SLC38A1: variants seen among roughly 807,000 people sequenced by gnomAD.
The protein encoded by SLC38A1 is solute carrier family 38 member 1.
SLC38A1 carries 18 observed loss-of-function variants against 60.3 expected under a neutral mutation model. The observed-to-expected ratio is 0.30, with a 90% CI of 0.21 to 0.44. SLC38A1 has a LOEUF of 0.44. Among genes scored for constraint, SLC38A1 ranks in the 20% least tolerant of loss-of-function variants. The probability of loss-of-function intolerance (pLI) is 1.00; values close to 1 mark genes in which losing one functional copy is unlikely to be tolerated. For synonymous variants in SLC38A1, 196 were observed against 212.1 expected, an observed-to-expected ratio of 0.92 and a Z score of 0.66; for missense variants, 448 against 587.2, an observed-to-expected ratio of 0.76 and a Z score of 2.45.
At position 46,209,185 on chromosome 12, in the gene SLC38A1, T is replaced by C. The variant is rs1161952581; in HGVS notation, c.315-58A>G. 17 of 1,258,930 alleles carry C rather than the reference T, an allele frequency of 1.4e-5. No homozygotes were observed. The South Asian group carries it at 2.0e-4, about 15-fold the overall frequency. The allele number at this position is 1,258,930 out of a possible 1,614,324, so 78.0% of individuals were successfully genotyped here. ...TCTAGAAAAGAATATATTCTGGCAT[T>C]ACAGTTTAGAAGGGCAAAGGTTTAT... On this transcript the variant is annotated intron_variant, in intron 5 of 16. Coordinates refer to ENST00000398637, the MANE Select transcript of SLC38A1 (RefSeq NM_030674.4).
rs1245510892 is a variant in SLC38A1 at position 46,187,225 on chromosome 12, TGA to T, written c.*1743_*1744del. On this transcript the variant is annotated 3_prime_UTR_variant, in exon 17 of 17. Transcript: ENST00000398637. Reference sequence around the variant, plus strand: ...TATGGGACAGTAGTGTGATTCTCAGTGAGAGTGAAGGCCTTTGGGGATTTGAG... The same window carrying T: ...TATGGGACAGTAGTGTGATTCTCAGTGAGTGAAGGCCTTTGGGGATTTGAG... 1 of 152,172 alleles carries T rather than the reference TGA, an allele frequency of 6.6e-6. No individual in the cohort carries two copies. The allele number at this position is 152,172 out of a possible 1,614,324, so 9.4% of individuals were successfully genotyped here.
At chr12:46,232,006 G>A (rs780864281) in intron 3 of SLC38A1, among the ~76,000 whole-genome samples, 10 of 152,074 alleles carry the variant, frequency 6.6e-5, no homozygotes, top group South Asian at 4.1e-4. Context: ...ATTCATTGAC[G>A]TTTTTCATCT....
intron 3 of SLC38A1, among the ~76,000 whole-genome samples, chr12:46,235,283 CT>C (rs1941220579): frequency 6.6e-6 from 1 of 152,146 alleles, no homozygotes; most frequent in African/African-American, 2.4e-5. Flanking sequence ...TAATCAGGTT[CT>C]TACTAGATTA....
At chr12:46,263,886 C>T (rs1337955052) in intron 1 of SLC38A1, among the ~76,000 whole-genome samples, 1 of 152,230 alleles carries the variant, frequency 6.6e-6, no homozygotes, top group African/African-American at 2.4e-5. Flanking sequence ...CTCATAATTT[C>T]ACACTACTAA....
intron 5 of SLC38A1, among the ~76,000 whole-genome samples, chr12:46,217,778 T>C (rs1940479946): frequency 6.6e-6 from 1 of 152,218 alleles, no homozygotes; most frequent in African/African-American, 2.4e-5. Context: ...TCATGTATAA[T>C]GCTTACAAAT....
intron 1 of SLC38A1, among the ~76,000 whole-genome samples, chr12:46,252,622 A>C (rs1229456151): frequency 6.6e-6 from 1 of 152,008 alleles, no homozygotes; most frequent in Non-Finnish European, 1.5e-5. Context: ...ACAATTTTTC[A>C]AATGGAATAA....
rs558115708 is a variant in SLC38A1 at position 46,214,324 on chromosome 12, C to T, written c.315-5197G>A. Among the ~76,000 whole-genome samples, 28 of 152,304 alleles carry T rather than the reference C, an allele frequency of 1.8e-4. No homozygotes were observed. The South Asian group carries it at 5.4e-3, about 29-fold the overall frequency. ...CACAGTGGTCCTAGATATATTTACT[C>T]TTTTTGCTGCAAGAAAATTTTGACT... On this transcript the variant is annotated intron_variant, in intron 5 of 16. Transcript: ENST00000398637.
chr12:46,215,485 C>T (rs890348451), intron 5 of SLC38A1, among the ~76,000 whole-genome samples: 1 of 152,012 alleles, frequency 6.6e-6, no homozygotes, highest in Non-Finnish European at 1.5e-5. Flanking sequence ...AATCTTGGCT[C>T]ACTGCAACCT....
intron 13 of SLC38A1, among the ~76,000 whole-genome samples, chr12:46,200,697 C>T (rs1264639517): frequency 1.3e-5 from 2 of 152,158 alleles, no homozygotes; most frequent in Non-Finnish European, 2.9e-5. Context: ...CTCAGAGTGT[C>T]ATGAGTGTAG....
chr12:46,198,796 G>T (rs1345313656), intron 13 of SLC38A1, 53 bp from the exon 14 acceptor site: 1 of 1,054,954 alleles, frequency 9.5e-7, no homozygotes, highest in South Asian at 1.6e-5. Context: ...GTATATAGCT[G>T]AATGACAGTT....
intron 1 of SLC38A1, among the ~76,000 whole-genome samples, chr12:46,259,757 T>G (rs1456578219): frequency 6.6e-6 from 1 of 152,210 alleles, no homozygotes; most frequent in Non-Finnish European, 1.5e-5. Flanking sequence ...CTGGCTCTTC[T>G]GCTAGGACCT....
Position 46,187,859 on chromosome 12 carries a change from C to T in SLC38A1, c.*1111G>A. On this transcript the variant is annotated 3_prime_UTR_variant, in exon 17 of 17. Transcript: ENST00000398637. The stretch of plus-strand genomic sequence containing the variant: ...ATAGAAATGAGGCTTATTTAAGGTA[C>T]AAAATTCTTGTATTTGTAATAACCT... 1 of 144,738 alleles carries T rather than the reference C, an allele frequency of 6.9e-6. No individual in the cohort carries two copies. The highest frequency in any genetic ancestry group is 2.1e-4 in the East Asian group (1 of 4,774). 9.0% of individuals were successfully genotyped at this position (144,738 alleles called of 1,614,324 possible).
intron 5 of SLC38A1, among the ~76,000 whole-genome samples, chr12:46,223,451 T>C (rs1351208093): frequency 1.5e-5 from 2 of 136,268 alleles, no homozygotes; most frequent in East Asian, 2.4e-4. Context: ...CTCTCTCACA[T>C]TCACACACAC....
chr12:46,245,501 A>G (rs960875112), intron 1 of SLC38A1, among the ~76,000 whole-genome samples: 3 of 152,258 alleles, frequency 2.0e-5, no homozygotes, highest in African/African-American at 7.2e-5. Flanking sequence ...AAATCTTTGT[A>G]CACTGTTGGA....
chr12:46,262,821 TATATA>T (rs1274226129), intron 1 of SLC38A1, among the ~76,000 whole-genome samples: 1 of 152,208 alleles, frequency 6.6e-6, no homozygotes, highest in African/African-American at 2.4e-5. Context: ...TAAAAGACAC[TATATA>T]ATTCAATACC....
chr12:46,218,500 G>C (rs903012159), intron 5 of SLC38A1, among the ~76,000 whole-genome samples: 3 of 152,062 alleles, frequency 2.0e-5, no homozygotes, highest in Non-Finnish European at 4.4e-5. Flanking sequence ...GAAATAGGCG[G>C]TTTAAGAGGA....
intron 3 of SLC38A1, among the ~76,000 whole-genome samples, chr12:46,232,454 T>C (rs1176692931): frequency 6.6e-6 from 1 of 152,276 alleles, no homozygotes; most frequent in East Asian, 1.9e-4. Context: ...ACTCTGGTGG[T>C]TGTATATAGC....
chr12:46,236,521 C>A (rs561910022), intron 3 of SLC38A1, among the ~76,000 whole-genome samples: 1 of 152,218 alleles, frequency 6.6e-6, no homozygotes, highest in African/African-American at 2.4e-5. Context: ...TCAATAAGAT[C>A]TATGATAGAG....
chr12:46,226,750 G>A (rs546993531), intron 5 of SLC38A1, among the ~76,000 whole-genome samples: 1 of 151,660 alleles, frequency 6.6e-6, no homozygotes, highest in African/African-American at 2.4e-5. Context: ...TGAGTAGCTG[G>A]GATTACAGGT....
Sources: allele counts gnomAD v4.1 joint callset (sites outside exome capture counted in the v4.1 genomes callset), GRCh38; gene constraint gnomAD v4.1.1; transcripts MANE v1.5; gene names NCBI Gene and HGNC (gene_info 2026-07-23, HGNC 2026-07-21).